NTN1: variants seen among roughly 807,000 people sequenced by gnomAD.
The protein encoded by NTN1 is netrin-1.
NTN1 carries 11 observed loss-of-function variants against 54.2 expected under a neutral mutation model. The ratio of observed to expected loss-of-function variants is 0.20; its 90% CI spans 0.13 to 0.34. NTN1 has a LOEUF of 0.34. NTN1 is among the 10% of genes least tolerant of loss of function. NTN1 has a pLI of 1.00. For missense variants in NTN1, 740 were observed against 893.1 expected, an observed-to-expected ratio of 0.83 and a Z score of 2.18; for synonymous variants, 371 against 382.0, an observed-to-expected ratio of 0.97 and a Z score of 0.33.
intron 5 of NTN1, among the ~76,000 whole-genome samples, chr17:9,198,116 G>A (rs941465522): frequency 2.0e-5 from 3 of 152,174 alleles, no homozygotes; most frequent in Non-Finnish European, 4.4e-5. Flanking sequence ...ATTCTTGTGT[G>A]GGTGATTTAT....
At chr17:9,196,683 C>G (rs988530228) in intron 5 of NTN1, among the ~76,000 whole-genome samples, 28 of 152,258 alleles carry the variant, frequency 1.8e-4, no homozygotes, top group African/African-American at 6.5e-4. Flanking sequence ...CCCATTCCCC[C>G]CTCCAGAGAG....
the NTN1 span, among the ~76,000 whole-genome samples, chr17:9,014,774 A>C: frequency 3.9e-5 from 6 of 152,348 alleles, no homozygotes; most frequent in South Asian, 1.0e-3. Flanking sequence ...TAAGAAGCAC[A>C]GTCCATCCAG....
At chr17:9,232,389 G>T (rs771247038) in intron 6 of NTN1, among the ~76,000 whole-genome samples, 3 of 152,236 alleles carry the variant, frequency 2.0e-5, no homozygotes, top group African/African-American at 4.8e-5. Context: ...GACAGGCCAG[G>T]CCTGACTGTG....
At chr17:9,193,102 G>GA (rs966579541) in intron 5 of NTN1, among the ~76,000 whole-genome samples, 2 of 93,134 alleles carry the variant, frequency 2.1e-5, no homozygotes, top group African/African-American at 3.9e-5. Context: ...AAAAGAAAAA[G>GA]AAAAAAAAGC....
intron 6 of NTN1, among the ~76,000 whole-genome samples, chr17:9,226,438 G>T (rs62068239): frequency 1.6e-3 from 139 of 88,938 alleles, no homozygotes; most frequent in East Asian, 4.5e-3. Flanking sequence ...GTGGGGAGGC[G>T]GTCTCGTGGG....
chr17:9,087,198 C>T (rs1465393176), intron 2 of NTN1, among the ~76,000 whole-genome samples: 1 of 152,066 alleles, frequency 6.6e-6, no homozygotes, highest in East Asian at 1.9e-4. Context: ...GCCAACCACC[C>T]TAGAAGGATG....
At chr17:9,192,743 T>C (rs1251704104) in intron 5 of NTN1, among the ~76,000 whole-genome samples, 1 of 152,148 alleles carries the variant, frequency 6.6e-6, no homozygotes, top group Non-Finnish European at 1.5e-5. Context: ...GCTCTTTTAT[T>C]AGTTATGCAC....
At chr17:9,231,527 T>C (rs1905811718) in intron 6 of NTN1, among the ~76,000 whole-genome samples, 1 of 152,180 alleles carries the variant, frequency 6.6e-6, no homozygotes, top group Admixed American at 6.5e-5. Context: ...AGAGAGTGCA[T>C]GGATGCTAAC....
intron 6 of NTN1, among the ~76,000 whole-genome samples, chr17:9,224,608 C>CA (rs919440253): frequency 1.7e-4 from 26 of 152,254 alleles, no homozygotes; most frequent in Non-Finnish European, 3.2e-4. Flanking sequence ...GCCCCTTCCA[C>CA]AGCAGCCTTC....
Position 9,022,565 on chromosome 17 carries a change from G to A in NTN1, c.192G>A (p.Val64=). ...DFVNAAFGKD[V]RVSSTCGRPP... is the part of the protein sequence containing the mutation. ...TCAATGCGGCCTTCGGCAAGGACGT[G>A]CGCGTGTCCAGCACCTGCGGCCGGC... The change falls in exon 2 of 7, where the codon GTG becomes GTA. Residue 64 remains valine, a synonymous_variant. Transcript: ENST00000173229. 1.3e-6 allele frequency: 2 copies of A among 1,548,050 alleles called. No individual in the cohort carries two copies. Among genetic ancestry groups the A allele is most frequent in the African/African-American group, 2.7e-5 (2 of 73,336 alleles).
At chr17:9,073,249 T>G (rs931038925) in intron 2 of NTN1, among the ~76,000 whole-genome samples, 3 of 151,888 alleles carry the variant, frequency 2.0e-5, no homozygotes, top group African/African-American at 4.8e-5. Context: ...GCGCCGAGAC[T>G]TGGGGGTGGA....
chr17:9,204,533 G>T (rs1904917416), intron 5 of NTN1, among the ~76,000 whole-genome samples: 1 of 152,214 alleles, frequency 6.6e-6, no homozygotes, highest in Non-Finnish European at 1.5e-5. Context: ...GGCCTCATGT[G>T]ATCTGCCTGC....
chr17:9,167,356 A>G (rs111293679), intron 3 of NTN1, among the ~76,000 whole-genome samples: 2 of 152,254 alleles, frequency 1.3e-5, no homozygotes, highest in African/African-American at 4.8e-5. Flanking sequence ...CTATTTAACC[A>G]TTTCGGCCCT....
the NTN1 span, among the ~76,000 whole-genome samples, chr17:9,014,632 C>T: frequency 6.6e-6 from 1 of 152,240 alleles, no homozygotes; most frequent in Non-Finnish European, 1.5e-5. Context: ...TGAATCCAGG[C>T]CACTGCTCAC....
At chr17:9,120,003 G>A (rs907242439) in intron 2 of NTN1, among the ~76,000 whole-genome samples, 16 of 152,104 alleles carry the variant, frequency 1.1e-4, no homozygotes, top group African/African-American at 3.6e-4. Flanking sequence ...TTATCTGGCC[G>A]GGCGTGGTGG....
At chr17:9,130,249 A>G (rs556804046) in intron 2 of NTN1, among the ~76,000 whole-genome samples, 1 of 151,356 alleles carries the variant, frequency 6.6e-6, no homozygotes, top group South Asian at 2.1e-4. Flanking sequence ...TATGGGTTTC[A>G]CTCCAGCACC....
intron 2 of NTN1, 23 bp from the exon 3 acceptor site, chr17:9,162,790 C>A (rs751514350): frequency 2.5e-6 from 4 of 1,590,422 alleles, no homozygotes; most frequent in Non-Finnish European, 3.4e-6. Flanking sequence ...GCGGCTGACA[C>A]CTCTCTCTGT....
intron 2 of NTN1, among the ~76,000 whole-genome samples, chr17:9,159,808 T>C (rs915831649): frequency 1.3e-5 from 2 of 151,768 alleles, no homozygotes; most frequent in Non-Finnish European, 2.9e-5. Flanking sequence ...CTCAAATAAA[T>C]AAATAAATAA....
intron 2 of NTN1, among the ~76,000 whole-genome samples, chr17:9,158,746 C>T (rs574312060): frequency 1.3e-5 from 2 of 152,142 alleles, no homozygotes; most frequent in Non-Finnish European, 2.9e-5. Flanking sequence ...TGTGTGCAGG[C>T]GTGACAGTCG....
Sources: allele counts gnomAD v4.1 joint callset (sites outside exome capture counted in the v4.1 genomes callset), GRCh38; gene constraint gnomAD v4.1.1; transcripts MANE v1.5; gene names NCBI Gene and HGNC (gene_info 2026-07-23, HGNC 2026-07-21).